The following WASL variants were observed in gnomAD, a reference collection of about 807,000 sequenced individuals.
WASL encodes actin nucleation-promoting factor WASL.
Under a neutral mutation model 55.5 loss-of-function variants are expected in WASL, and 20 were observed. The ratio of observed to expected loss-of-function variants is 0.36; its 90% CI spans 0.25 to 0.52. The LOEUF (loss-of-function observed/expected upper bound fraction) is 0.52. Among genes scored for constraint, WASL ranks in the 20% least tolerant of loss-of-function variants. The probability of loss-of-function intolerance (pLI) is 0.92; values close to 1 mark genes in which losing one functional copy is unlikely to be tolerated. For synonymous variants in WASL, 249 were observed against 217.6 expected, an observed-to-expected ratio of 1.14 and a Z score of -1.27; for missense variants, 504 against 622.5, an observed-to-expected ratio of 0.81 and a Z score of 2.03.
At position 123,706,560 on chromosome 7, in the gene WASL, C is replaced by A. The variant is rs139503442; in HGVS notation, c.339+180G>T. 2.5e-3 allele frequency among the ~76,000 whole-genome samples: 377 copies of A among 152,178 alleles called. 3 individuals carry two copies. Among genetic ancestry groups the A allele is most frequent in the African/African-American group, 8.4e-3 (350 of 41,542 alleles). On this transcript the variant is annotated intron_variant, in intron 3 of 10. Coordinates refer to ENST00000223023, the MANE Select transcript of WASL (RefSeq NM_003941.4). Reference sequence around the variant, plus strand: ...ATGAAGAAGTTCAAGTAAAAGATTACTATTAGAGAAGTTACCTATCACAGC... The same window carrying A: ...ATGAAGAAGTTCAAGTAAAAGATTAATATTAGAGAAGTTACCTATCACAGC...
At chr7:123,718,579 G>C (rs565484792) in intron 1 of WASL, among the ~76,000 whole-genome samples, 44 of 151,922 alleles carry the variant, frequency 2.9e-4, no homozygotes, top group Non-Finnish European at 5.4e-4. Context: ...TTTTTTTTAA[G>C]AGAAAGGGTC....
intron 5 of WASL, among the ~76,000 whole-genome samples, chr7:123,701,867 C>A (rs1803595859): frequency 6.6e-6 from 1 of 151,384 alleles, no homozygotes. Flanking sequence ...TATATTAATT[C>A]CATATTATAT....
intron 1 of WASL, among the ~76,000 whole-genome samples, chr7:123,721,758 C>T (rs1391003068): frequency 6.6e-6 from 1 of 152,104 alleles, no homozygotes; most frequent in Non-Finnish European, 1.5e-5. Flanking sequence ...ACTAAAAACA[C>T]AAAATTTGGT....
chr7:123,692,283 T>A (rs1803422167), intron 9 of WASL, 64 bp downstream of exon 9: 1 of 1,533,850 alleles, frequency 6.5e-7, no homozygotes, highest in African/African-American at 1.4e-5. Context: ...TATCTTTCAA[T>A]AAATTACTTT....
intron 9 of WASL, among the ~76,000 whole-genome samples, chr7:123,689,655 C>A (rs1440444923): frequency 6.6e-6 from 1 of 151,930 alleles, no homozygotes; most frequent in Non-Finnish European, 1.5e-5. Flanking sequence ...CAAAATGAAC[C>A]TCTTTTCTCA....
At position 123,706,345 on chromosome 7, in the gene WASL, T is replaced by C. The variant is rs567860460; in HGVS notation, c.368A>G (p.Asn123Ser). ...DTCQVALNFA[N>S]EEEAKKFRKA... ...TCGAAATTTTTTTGCTTCTTCTTCA[T>C]TGGCAAAATTAAGAGCAACTTGACA... Residue 123 changes from asparagine to serine, a missense_variant, in exon 4 of 11, where the codon AAT becomes AGT. Transcript: ENST00000223023. 13 of 1,613,634 alleles carry C rather than the reference T, an allele frequency of 8.1e-6. No homozygotes were observed. The highest frequency in any genetic ancestry group is 4.5e-5 in the East Asian group (2 of 44,842).
intron 1 of WASL, among the ~76,000 whole-genome samples, chr7:123,729,901 G>A (rs1804110313): frequency 6.6e-6 from 1 of 151,986 alleles, no homozygotes; most frequent in African/African-American, 2.4e-5. Flanking sequence ...ATGAAACAAG[G>A]CTCAAAAAAT....
At position 123,683,235 on chromosome 7, in the gene WASL, T is replaced by C. The variant is rs555324749; in HGVS notation, c.*1284A>G. 1.3e-5 allele frequency: 2 copies of C among 152,084 alleles called. No individual in the cohort carries two copies. The highest frequency in any genetic ancestry group is 4.8e-5 in the African/African-American group (2 of 41,438). The allele number at this position is 152,084 out of a possible 1,614,324, so 9.4% of individuals were successfully genotyped here. On this transcript the variant is annotated 3_prime_UTR_variant, in exon 11 of 11. Coordinates refer to ENST00000223023, the MANE Select transcript of WASL (RefSeq NM_003941.4). ...TTTTCTACCTAAAATTTAAAGTAGG[T>C]AGGTATGATAATTAGCATTATAAAT...
chr7:123,712,903 A>C (rs1185076622), intron 1 of WASL, among the ~76,000 whole-genome samples: 1 of 152,172 alleles, frequency 6.6e-6, no homozygotes, highest in Admixed American at 6.5e-5. Flanking sequence ...CAGAACAACC[A>C]CATTATGTAA....
intron 1 of WASL, among the ~76,000 whole-genome samples, chr7:123,736,664 T>G (rs1248290505): frequency 6.6e-6 from 1 of 152,130 alleles, no homozygotes; most frequent in East Asian, 1.9e-4. Context: ...CTGGGTATTA[T>G]TTTGCACTTC....
At chr7:123,724,101 T>G (rs1040773721) in intron 1 of WASL, among the ~76,000 whole-genome samples, 3 of 152,230 alleles carry the variant, frequency 2.0e-5, no homozygotes, top group Admixed American at 2.0e-4. Context: ...GCCTCTACTT[T>G]ATTCTTTCGT....
At chr7:123,697,925 C>T (rs1434092304) in intron 5 of WASL, among the ~76,000 whole-genome samples, 4 of 152,164 alleles carry the variant, frequency 2.6e-5, no homozygotes, top group Non-Finnish European at 4.4e-5. Context: ...TAGCCCTCAA[C>T]GAAAACCCTG....
chr7:123,686,187 C>T (rs771597968), intron 10 of WASL, among the ~76,000 whole-genome samples: 65 of 151,404 alleles, frequency 4.3e-4, no homozygotes, highest in Non-Finnish European at 7.5e-4. Flanking sequence ...ACTTTTAAAA[C>T]GATAATTATT....
intron 3 of WASL, 50 bp downstream of exon 3, chr7:123,706,690 G>T: frequency 1.6e-6 from 2 of 1,279,418 alleles, no homozygotes; most frequent in South Asian, 1.3e-5. Context: ...GATTAGAAAA[G>T]GCAAGCAATG....
At chr7:123,700,732 C>T (rs1375482465) in intron 5 of WASL, among the ~76,000 whole-genome samples, 3 of 152,196 alleles carry the variant, frequency 2.0e-5, no homozygotes, top group Non-Finnish European at 2.9e-5. Context: ...GCCACCGTGC[C>T]CGGCCAACTA....
At chr7:123,687,979 C>T (rs1803322370) in intron 10 of WASL, among the ~76,000 whole-genome samples, 1 of 152,164 alleles carries the variant, frequency 6.6e-6, no homozygotes, top group African/African-American at 2.4e-5. Flanking sequence ...TTAATTCTCA[C>T]ATCTATATGT....
chr7:123,700,082 A>G (rs202116416), intron 5 of WASL, among the ~76,000 whole-genome samples: 1 of 142,592 alleles, frequency 7.0e-6, no homozygotes, highest in East Asian at 2.4e-4. Context: ...AGGCTGAGGC[A>G]GGAGAATGGC....
intron 10 of WASL, among the ~76,000 whole-genome samples, chr7:123,686,479 T>C (rs1366454258): frequency 6.6e-6 from 1 of 152,044 alleles, no homozygotes; most frequent in Admixed American, 6.6e-5. Flanking sequence ...CATCATCAGG[T>C]ACTACCACAG....
rs1397173339 is a variant in WASL at position 123,738,112 on chromosome 7, G to A, written c.117+10506C>T. Among the ~76,000 whole-genome samples, 4 of 152,192 alleles carry A rather than the reference G, an allele frequency of 2.6e-5. No individual in the cohort carries two copies. The South Asian group carries it at 8.3e-4, about 32-fold the overall frequency. ...CCAAAAACTATGAATTGAACAATAA[G>A]ATGTTTTCACCAGTGTGAGACTGTC... is the stretch of plus-strand genomic sequence containing the variant. On this transcript the variant is annotated intron_variant, in intron 1 of 10. Coordinates refer to ENST00000223023, the MANE Select transcript of WASL (RefSeq NM_003941.4).
Sources: allele counts gnomAD v4.1 joint callset (sites outside exome capture counted in the v4.1 genomes callset), GRCh38; gene constraint gnomAD v4.1.1; transcripts MANE v1.5; gene names NCBI Gene and HGNC (gene_info 2026-07-23, HGNC 2026-07-21).